The following ANTXR1 variants were observed in gnomAD, a reference collection of about 807,000 sequenced individuals.
The protein encoded by ANTXR1 is anthrax toxin receptor 1.
A neutral mutation model predicts 78.1 loss-of-function variants in ANTXR1; 19 were observed. The ratio of observed to expected loss-of-function variants is 0.24; its 90% CI spans 0.17 to 0.36. ANTXR1 has a LOEUF of 0.36. Ranked by LOEUF, ANTXR1 falls within the 10% of genes least tolerant of loss-of-function variation. ANTXR1 has a pLI of 1.00. For missense variants in ANTXR1, 518 were observed against 718.6 expected (o/e 0.72, Z 3.19); for synonymous variants, 273 against 260.5 (o/e 1.05, Z -0.46).
intron 17 of ANTXR1, among the ~76,000 whole-genome samples, chr2:69,213,806 G>T (rs1256220840): frequency 1.3e-5 from 2 of 152,254 alleles, no homozygotes; most frequent in Non-Finnish European, 2.9e-5. Flanking sequence ...CATGGAAAGA[G>T]CCAGGGCCTG....
At chr2:69,190,950 G>A (rs1674531097) in intron 16 of ANTXR1, among the ~76,000 whole-genome samples, 1 of 152,170 alleles carries the variant, frequency 6.6e-6, no homozygotes, top group African/African-American at 2.4e-5. Flanking sequence ...AGCTCTGTGG[G>A]TGGGCTGATT....
chr2:69,073,740 T>C (rs1670645238), intron 6 of ANTXR1, among the ~76,000 whole-genome samples: 1 of 152,248 alleles, frequency 6.6e-6, no homozygotes, highest in Non-Finnish European at 1.5e-5. Flanking sequence ...CTAATGTTTA[T>C]ACTTACGAAA....
intron 10 of ANTXR1, among the ~76,000 whole-genome samples, chr2:69,105,502 T>A (rs1459651234): frequency 2.0e-5 from 3 of 152,230 alleles, no homozygotes; most frequent in Admixed American, 6.5e-5. Flanking sequence ...CACCTGTTCA[T>A]TTCCATGGAG....
At chr2:69,085,950 G>A (rs1420115911) in intron 8 of ANTXR1, among the ~76,000 whole-genome samples, 2 of 152,186 alleles carry the variant, frequency 1.3e-5, no homozygotes, top group Admixed American at 1.3e-4. Context: ...CTTGACACCA[G>A]CATACTTCAA....
chr2:69,067,912 G>A (rs768642878), intron 3 of ANTXR1, among the ~76,000 whole-genome samples: 1 of 152,188 alleles, frequency 6.6e-6, no homozygotes, highest in East Asian at 1.9e-4. Context: ...TGAAATTAAA[G>A]TATGCCTTTT....
At chr2:69,041,008 C>G (rs1669601209) in intron 2 of ANTXR1, among the ~76,000 whole-genome samples, 1 of 152,112 alleles carries the variant, frequency 6.6e-6, no homozygotes, top group Non-Finnish European at 1.5e-5. Flanking sequence ...GGTTATTGAC[C>G]TCAACGCATG....
rs1670919960 is a variant in ANTXR1 at position 69,013,340 on chromosome 2, C to G, written c.-160C>G. On this transcript the variant is annotated 5_prime_UTR_variant, in exon 1 of 18. Coordinates refer to ENST00000303714, the MANE Select transcript of ANTXR1 (RefSeq NM_032208.3). The surrounding 1 kb of genome is among the most constrained non-coding windows in gnomAD (Gnocchi z 5.0). ...TCGGAGCGGAAACCAGAGGGGAAAC[C>G]TTGAACTCCTCCAGACAATTGCTTC... 1 of 999,674 alleles carries G rather than the reference C, an allele frequency of 1.0e-6. No individual in the cohort carries two copies. The highest frequency in any genetic ancestry group is 1.5e-6 in the Non-Finnish European group (1 of 669,168). The allele number at this position is 999,674 out of a possible 1,614,324, so 61.9% of individuals were successfully genotyped here.
At chr2:69,231,667 G>A (rs1295329481) in intron 17 of ANTXR1, among the ~76,000 whole-genome samples, 2 of 152,146 alleles carry the variant, frequency 1.3e-5, no homozygotes, top group Admixed American at 6.5e-5. Context: ...ATGGCGGCTG[G>A]GGCTGGAATC....
chr2:69,152,220 G>C lies in ANTXR1; in HGVS notation c.1003G>C (p.Ala335Pro), dbSNP rs1369836691. The change falls in exon 13 of 18, where the codon GCC becomes CCC. Residue 335 changes from alanine to proline, a missense_variant. Physicochemically the swap from Ala to Pro is conservative, Grantham distance 27. Around this residue, in one of 5 missense-constraint regions of ANTXR1, gnomAD observed 264 missense variants for 391.8 expected, o/e 0.67. Coordinates refer to ENST00000303714, the MANE Select transcript of ANTXR1 (RefSeq NM_032208.3). ...IALLILFLLL[A>P]LALLWWFWPL... Reference sequence around the variant, plus strand: ...CCTGCTGATCCTGTTCCTGCTCCTAGCCCTGGCTCTCCTCTGGTGGTTCTG... The same window carrying C: ...CCTGCTGATCCTGTTCCTGCTCCTACCCCTGGCTCTCCTCTGGTGGTTCTG... The C allele has an allele frequency of 1.9e-6, 3 of 1,614,144 alleles. No homozygotes were observed. Among genetic ancestry groups the C allele is most frequent in the Non-Finnish European group, 2.5e-6 (3 of 1,180,032 alleles).
chr2:69,107,460 G>A (rs960803598), intron 10 of ANTXR1, among the ~76,000 whole-genome samples: 6 of 151,946 alleles, frequency 3.9e-5, no homozygotes, highest in East Asian at 1.9e-4. Context: ...GGCTGGTCTC[G>A]AACTCCTGGG....
intron 1 of ANTXR1, among the ~76,000 whole-genome samples, chr2:69,036,816 T>C (rs1669444713): frequency 6.6e-6 from 1 of 152,144 alleles, no homozygotes; most frequent in Non-Finnish European, 1.5e-5. Context: ...CTGGAGAGCA[T>C]TGGGCCATCT....
At chr2:69,176,891 G>A (rs1002526726) in intron 14 of ANTXR1, among the ~76,000 whole-genome samples, 3 of 152,140 alleles carry the variant, frequency 2.0e-5, no homozygotes, top group African/African-American at 4.8e-5. Context: ...GAGTCAAACC[G>A]GCCATGTGGC....
At chr2:69,176,787 C>T (rs2104457142) in intron 14 of ANTXR1, among the ~76,000 whole-genome samples, 1 of 152,352 alleles carries the variant, frequency 6.6e-6, no homozygotes, top group Non-Finnish European at 1.5e-5. Context: ...TTTAAAGCTA[C>T]TGCCTTGGGT....
chr2:69,159,996 A>G (rs1359959757), intron 13 of ANTXR1, among the ~76,000 whole-genome samples: 1 of 152,244 alleles, frequency 6.6e-6, no homozygotes, highest in East Asian at 1.9e-4. Flanking sequence ...CAAGCCTAAC[A>G]TCACCAAAAG....
intron 17 of ANTXR1, among the ~76,000 whole-genome samples, chr2:69,197,013 C>T (rs951895802): frequency 2.6e-5 from 4 of 152,196 alleles, no homozygotes; most frequent in African/African-American, 7.2e-5. Flanking sequence ...CTGGGATTGG[C>T]ACCCACCTCC....
At chr2:69,111,859 A>C (rs1207560537) in intron 10 of ANTXR1, among the ~76,000 whole-genome samples, 1 of 152,194 alleles carries the variant, frequency 6.6e-6, no homozygotes, top group African/African-American at 2.4e-5. Flanking sequence ...CCTGGGCTCC[A>C]GGGCTGCTGT....
chr2:69,136,047 T>C (rs991197363), intron 12 of ANTXR1, among the ~76,000 whole-genome samples: 8 of 152,156 alleles, frequency 5.3e-5, no homozygotes, highest in Admixed American at 5.2e-4. Flanking sequence ...AATTGATATG[T>C]TTCAGATCAT....
chr2:69,059,708 A>G (rs1439790748), intron 3 of ANTXR1, among the ~76,000 whole-genome samples: 2 of 152,226 alleles, frequency 1.3e-5, no homozygotes, highest in African/African-American at 4.8e-5. Flanking sequence ...GCAATATAGT[A>G]TAGCATAACT....
intron 17 of ANTXR1, among the ~76,000 whole-genome samples, chr2:69,204,639 C>T (rs1003489837): frequency 3.3e-5 from 5 of 152,144 alleles, no homozygotes; most frequent in Non-Finnish European, 7.4e-5. Context: ...ACCAGCTCGA[C>T]ACTGCCTGGC....
Sources: allele counts gnomAD v4.1 joint callset (sites outside exome capture counted in the v4.1 genomes callset), GRCh38; gene constraint gnomAD v4.1.1; regional missense constraint gnomAD v4.1.1; non-coding constraint Gnocchi (gnomAD v3.1); transcripts MANE v1.5; gene names NCBI Gene and HGNC (gene_info 2026-07-23, HGNC 2026-07-21).